Variants in RGS6 observed in about 807,000 individuals in gnomAD.
RGS6 encodes the protein regulator of G protein signaling 6, also known as regulator of G-protein signaling 6.
In RGS6, 30 loss-of-function variants were observed where a neutral mutation model predicts 78.5. The observed-to-expected ratio is 0.38, with a 90% confidence interval of 0.29 to 0.52. RGS6 has a LOEUF of 0.52. Among genes scored for constraint, RGS6 ranks in the 20% least tolerant of loss-of-function variants. The pLI is 0.85. For missense variants in RGS6, 495 were observed against 609.7 expected (o/e 0.81, Z 1.98); for synonymous variants, 206 against 206.0 (o/e 1.00, Z 0.00).
At chr14:72,290,635 G>A (rs1415333268) in intron 2 of RGS6, among the ~76,000 whole-genome samples, 1 of 152,190 alleles carries the variant, frequency 6.6e-6, no homozygotes, top group East Asian at 1.9e-4. Flanking sequence ...TTGCTGATAA[G>A]TCAGTGTGGC....
intron 2 of RGS6, among the ~76,000 whole-genome samples, chr14:72,265,511 G>A (rs1282935681): frequency 1.3e-5 from 2 of 152,110 alleles, no homozygotes; most frequent in Non-Finnish European, 2.9e-5. Context: ...TAAGTGACAG[G>A]CTGCTTGATC....
At chr14:72,277,640 C>T (rs1265139726) in intron 2 of RGS6, among the ~76,000 whole-genome samples, 1 of 151,488 alleles carries the variant, frequency 6.6e-6, no homozygotes, top group African/African-American at 2.4e-5. Flanking sequence ...CTCTACTCTC[C>T]AGGCCAGGTG....
intron 2 of RGS6, among the ~76,000 whole-genome samples, chr14:72,095,685 G>A (rs574547317): frequency 6.6e-6 from 1 of 152,206 alleles, no homozygotes; most frequent in Non-Finnish European, 1.5e-5. Context: ...TGTGGATGGG[G>A]CAAGTAACTG....
At chr14:71,973,505 C>T (rs554772259) in intron 2 of RGS6, among the ~76,000 whole-genome samples, 38 of 152,046 alleles carry the variant, frequency 2.5e-4, no homozygotes, top group South Asian at 2.5e-3. Flanking sequence ...GCCAACATGG[C>T]AAAACCCTGT....
At chr14:72,371,771 T>A (rs1006633254) in intron 3 of RGS6, among the ~76,000 whole-genome samples, 1 of 152,088 alleles carries the variant, frequency 6.6e-6, no homozygotes, top group Non-Finnish European at 1.5e-5. Flanking sequence ...CAAAAGAAAT[T>A]AATTAAATAA....
At chr14:72,364,394 C>G (rs368435197) in intron 3 of RGS6, among the ~76,000 whole-genome samples, 1 of 152,308 alleles carries the variant, frequency 6.6e-6, no homozygotes, top group East Asian at 1.9e-4. Context: ...GTTACTGTGG[C>G]AAGAGAAGCT....
At chr14:72,401,131 C>T (rs1453341342) in intron 3 of RGS6, among the ~76,000 whole-genome samples, 1 of 151,996 alleles carries the variant, frequency 6.6e-6, no homozygotes, top group Non-Finnish European at 1.5e-5. Context: ...TCAGTCTTTT[C>T]TATCTTATCT....
chr14:72,546,533 C>T (rs566595227), intron 17 of RGS6, among the ~76,000 whole-genome samples: 2 of 152,262 alleles, frequency 1.3e-5, no homozygotes, highest in South Asian at 2.1e-4. Flanking sequence ...TCAACCTGTC[C>T]GCCAAAAGCA....
intron 16 of RGS6, among the ~76,000 whole-genome samples, chr14:72,536,864 T>G (rs2097257836): frequency 6.6e-6 from 1 of 152,176 alleles, no homozygotes; most frequent in Non-Finnish European, 1.5e-5. Context: ...AAGAAGTAAC[T>G]GCACCCAGCT....
intron 3 of RGS6, among the ~76,000 whole-genome samples, chr14:72,411,521 A>G (rs1265110212): frequency 6.6e-6 from 1 of 152,196 alleles, no homozygotes; most frequent in African/African-American, 2.4e-5. Flanking sequence ...AACAGGGACA[A>G]TTTGACTTCC....
chr14:72,044,057 C>A (rs1406365050), intron 2 of RGS6, among the ~76,000 whole-genome samples: 1 of 152,156 alleles, frequency 6.6e-6, no homozygotes, highest in Non-Finnish European at 1.5e-5. Flanking sequence ...TCTTCAAGTT[C>A]TCTGATTCTT....
chr14:72,308,449 C>T (rs1162186656), intron 2 of RGS6, among the ~76,000 whole-genome samples: 1 of 152,154 alleles, frequency 6.6e-6, no homozygotes, highest in Non-Finnish European at 1.5e-5. Flanking sequence ...TTTTATCTTG[C>T]TTTAGAATTA....
chr14:72,000,191 C>G (rs1221902027), intron 2 of RGS6, among the ~76,000 whole-genome samples: 1 of 152,192 alleles, frequency 6.6e-6, no homozygotes, highest in East Asian at 1.9e-4. Flanking sequence ...TCAGAAGATA[C>G]AGCCAGCAAG....
At chr14:71,952,139 G>C (rs917422675) in intron 1 of RGS6, among the ~76,000 whole-genome samples, 2 of 152,000 alleles carry the variant, frequency 1.3e-5, no homozygotes, top group Non-Finnish European at 2.9e-5. Flanking sequence ...TATAGGCTAA[G>C]ACCTCAAATA....
intron 2 of RGS6, among the ~76,000 whole-genome samples, chr14:72,197,558 A>G (rs1362992689): frequency 1.3e-5 from 2 of 152,148 alleles, no homozygotes; most frequent in African/African-American, 4.8e-5. Flanking sequence ...GACCCAGGGG[A>G]CAATATATGG....
chr14:72,517,960 G>T (rs1265005521), intron 14 of RGS6, among the ~76,000 whole-genome samples: 1 of 152,170 alleles, frequency 6.6e-6, no homozygotes, highest in African/African-American at 2.4e-5. Context: ...CTTGGGAAGG[G>T]GGGTTGCTAT....
chr14:72,382,039 C>T (rs1047720314), intron 3 of RGS6, among the ~76,000 whole-genome samples: 1 of 151,558 alleles, frequency 6.6e-6, no homozygotes, highest in Non-Finnish European at 1.5e-5. Context: ...TCTTAAAAAG[C>T]CATTCTTCTG....
At chr14:71,931,031 A>G (rs533328846), upstream of RGS6, among the ~76,000 whole-genome samples, 1 of 144,086 alleles carries the variant, frequency 6.9e-6, no homozygotes, top group Admixed American at 7.0e-5. Flanking sequence ...GAGCTCCTCA[A>G]AGCGGAAGTT....
At chr14:72,538,325 G>A (rs558895318) in intron 16 of RGS6, among the ~76,000 whole-genome samples, 14 of 152,348 alleles carry the variant, frequency 9.2e-5, no homozygotes, top group South Asian at 6.2e-4. Context: ...TGACCTGGAC[G>A]GAGTCTTGAG....
Sources: gnomAD v4.1 joint callset for allele counts (sites outside exome capture counted in the v4.1 genomes callset) on GRCh38, gnomAD v4.1.1 for gene constraint, MANE v1.5 for transcripts, NCBI Gene and HGNC (gene_info 2026-07-23, HGNC 2026-07-21) for gene names.